Variants in TMEM169 observed in about 807,000 individuals in gnomAD.
TMEM169 encodes the protein transmembrane protein 169.
Under a neutral mutation model 27.3 loss-of-function variants are expected in TMEM169, and 18 were observed. The ratio of observed to expected loss-of-function variants is 0.66; its 90% confidence interval spans 0.46 to 0.98. The LOEUF (loss-of-function observed/expected upper bound fraction) is 0.98. TMEM169 is among the 50% of genes least tolerant of loss of function. The pLI is 0.00. For synonymous variants in TMEM169, 136 were observed against 142.1 expected (o/e 0.96, Z 0.30); for missense variants, 320 against 368.6 (o/e 0.87, Z 1.08).
intron 1 of TMEM169, among the ~76,000 whole-genome samples, chr2:216,086,828 C>A (rs1185916923): frequency 6.6e-6 from 1 of 152,136 alleles, no homozygotes; most frequent in East Asian, 1.9e-4. Context: ...ATAATCTATA[C>A]AATGATATGA....
chr2:216,092,116 G>A (rs1336729222), intron 1 of TMEM169, among the ~76,000 whole-genome samples: 3 of 152,146 alleles, frequency 2.0e-5, no homozygotes, highest in African/African-American at 7.2e-5. Flanking sequence ...GTTTTAATGG[G>A]ATGTTCAAAA....
intron 1 of TMEM169, among the ~76,000 whole-genome samples, chr2:216,087,645 C>T (rs1696037402): frequency 6.6e-6 from 1 of 152,084 alleles, no homozygotes; most frequent in African/African-American, 2.4e-5. Flanking sequence ...CAGTTCCAGT[C>T]CCACCACTAT....
chr2:216,095,211 C>CT (rs1696236778), intron 1 of TMEM169, among the ~76,000 whole-genome samples: 1 of 149,766 alleles, frequency 6.7e-6, no homozygotes, highest in African/African-American at 2.5e-5. Flanking sequence ...CCTCAGCCTC[C>CT]TAAGTAGCTG....
rs372176280 is a variant in TMEM169, at chr2:216,096,129, C to T, written c.166C>T (p.Arg56Cys). The change falls in exon 2 of 3, where the codon CGC (arginine) becomes TGC (cysteine). Residue 56 changes from arginine to cysteine, a missense_variant. Coordinates refer to ENST00000437356, the MANE Select transcript of TMEM169 (RefSeq NM_001142311.2). Reference protein sequence around the residue: ...ESRPESIIIYRSDNEKTDEEP... With the variant: ...ESRPESIIIYCSDNEKTDEEP... ...ACGCCCAGAATCCATCATCATCTACCGCTCAGACAATGAGAAAACAGATGA... is the reference window on the plus strand; with the variant it reads ...ACGCCCAGAATCCATCATCATCTACTGCTCAGACAATGAGAAAACAGATGA... 5.0e-6 allele frequency: 8 copies of T among 1,614,112 alleles called. No homozygotes were observed. Among genetic ancestry groups the T allele is most frequent in the South Asian group, 4.4e-5 (4 of 91,070 alleles).
intron 1 of TMEM169, among the ~76,000 whole-genome samples, chr2:216,091,204 T>TA (rs998716886): frequency 3.3e-5 from 5 of 152,280 alleles, no homozygotes; most frequent in Admixed American, 1.3e-4. Flanking sequence ...GCCCCCAAAG[T>TA]GATGGCATTA....
intron 1 of TMEM169, chr2:216,082,974 CAG>C (rs1695904338): frequency 6.6e-6 from 1 of 152,228 alleles, no homozygotes; most frequent in African/African-American, 2.4e-5. Context: ...GTCTGGTTGA[CAG>C]AGGAATCAGA....
At position 216,100,580 on chromosome 2, in the gene TMEM169, C is replaced by G. The variant is rs1351597240; in HGVS notation, c.*38C>G. On this transcript the variant is annotated 3_prime_UTR_variant, in exon 3 of 3. Transcript: ENST00000437356. Reference sequence around the variant, plus strand: ...TTACTCCCTCCTCTGGCCCCAGTAGCCTATATATCATCTTAAAATTCCAGC... The same window carrying G: ...TTACTCCCTCCTCTGGCCCCAGTAGGCTATATATCATCTTAAAATTCCAGC... The G allele has an allele frequency of 6.2e-7, 1 of 1,611,930 alleles. No homozygotes were observed. Among genetic ancestry groups the G allele is most frequent in the African/African-American group, 1.3e-5 (1 of 74,806 alleles).
intron 1 of TMEM169, among the ~76,000 whole-genome samples, chr2:216,094,538 G>C (rs891576146): frequency 2.0e-5 from 3 of 152,136 alleles, no homozygotes; most frequent in Non-Finnish European, 4.4e-5. Context: ...GAGTCAACCA[G>C]ACATTAGGGG....
chr2:216,088,374 G>A (rs1696055148), intron 1 of TMEM169, among the ~76,000 whole-genome samples: 1 of 152,238 alleles, frequency 6.6e-6, no homozygotes, highest in South Asian at 2.1e-4. Context: ...TGAGGCAGGA[G>A]AATGGCGTGA....
In TMEM169 at chr2:216,100,677, T is replaced by C. The variant is rs554841362; in HGVS notation, c.*135T>C. On this transcript the variant is annotated 3_prime_UTR_variant, in exon 3 of 3. Transcript: ENST00000437356. ...AAATCAGAGTCCATACTGATCAGTT[T>C]TACCATCTTGAGGGTTCCAGGAGGG... 127 of 1,273,728 alleles carry C rather than the reference T, an allele frequency of 1.0e-4. No homozygotes were observed. The highest frequency in any genetic ancestry group is 4.0e-4 in the Admixed American group (18 of 44,928). 78.9% of individuals were successfully genotyped at this position (1,273,728 alleles called of 1,614,324 possible).
chr2:216,085,225 G>A (rs1695969575), intron 1 of TMEM169, among the ~76,000 whole-genome samples: 2 of 152,148 alleles, frequency 1.3e-5, no homozygotes, highest in South Asian at 4.1e-4. Context: ...CCAGCACTTT[G>A]GGAGGTGAAA....
chr2:216,096,059 T>A lies in TMEM169; in HGVS notation c.96T>A (p.Asp32Glu). The change falls in exon 2 of 3, where the codon GAT (aspartate) becomes GAA (glutamate). Residue 32 changes from aspartate to glutamate, a missense_variant. Coordinates refer to ENST00000437356, the MANE Select transcript of TMEM169 (RefSeq NM_001142311.2). ...CTGTGGCTGCTGCCCTGGCGCTGGA[T>A]GGGGAATCCACAATGGGGCACAGGA... ...RKAVAAALAL[D>E]GESTMGHRKK... The A allele has an allele frequency of 6.2e-7, 1 of 1,614,172 alleles. No homozygotes were observed. The highest frequency in any genetic ancestry group is 8.5e-7 in the Non-Finnish European group (1 of 1,180,034).
rs1337232610 is a variant in TMEM169, at chr2:216,099,007, A to C, written c.272-913A>C. Among the ~76,000 whole-genome samples the C allele has an allele frequency of 7.4e-6, 1 of 135,078 alleles. No individual in the cohort carries two copies. Among genetic ancestry groups the C allele is most frequent in the East Asian group, 2.2e-4 (1 of 4,612 alleles). 88.6% of individuals were successfully genotyped at this position (135,078 alleles called of 152,430 possible). The stretch of plus-strand genomic sequence containing the variant: ...GGTATGTGTAGTGTATATATGTGGA[A>C]TGTGTGGGGGGCAGCATTTGTGTGC... On this transcript the variant is annotated intron_variant, in intron 2 of 2. Coordinates refer to ENST00000437356, the MANE Select transcript of TMEM169 (RefSeq NM_001142311.2). This position sits in a 1 kb window ranked among gnomAD's most constrained non-coding sequence, Gnocchi z 5.0.
intron 2 of TMEM169, among the ~76,000 whole-genome samples, chr2:216,097,264 G>A (rs977646570): frequency 1.3e-5 from 2 of 152,116 alleles, no homozygotes; most frequent in African/African-American, 4.8e-5. Flanking sequence ...GGCTGGGCAC[G>A]GTGGCTCACA....
chr2:216,096,784 T>C (rs535904764), intron 2 of TMEM169, among the ~76,000 whole-genome samples: 1 of 152,360 alleles, frequency 6.6e-6, no homozygotes, highest in Admixed American at 6.5e-5. Context: ...AAGAGGCTGA[T>C]TTATACGCAA....
chr2:216,096,316 A>T, intron 2 of TMEM169, 82 bp downstream of exon 2: 3 of 1,443,944 alleles, frequency 2.1e-6, no homozygotes, highest in African/African-American at 1.4e-5. Flanking sequence ...GCATATGCTC[A>T]CTGTCCTATT....
In TMEM169 at chr2:216,100,094, C is replaced by T. The variant is rs1696354826; in HGVS notation, c.446C>T (p.Ala149Val). ...GAAACGACGCCTGAAGGAAGAATGG[C>T]CTGCCAGATGGGAGCTGACCGTGGG... ...SRETTPEGRM[A>V]CQMGADRGPH... The change falls in exon 3 of 3, where the codon GCC becomes GTC. Residue 149 changes from alanine (A) to valine (V), a missense_variant. By Grantham distance (64) the Ala-to-Val change is moderately conservative. Transcript: ENST00000437356. 1 of 1,614,046 alleles carries T rather than the reference C, an allele frequency of 6.2e-7. No homozygotes were observed. The highest frequency in any genetic ancestry group is 8.5e-7 in the Non-Finnish European group (1 of 1,180,042).
At chr2:216,091,065 G>A (rs1696108797) in intron 1 of TMEM169, among the ~76,000 whole-genome samples, 1 of 152,220 alleles carries the variant, frequency 6.6e-6, no homozygotes, top group Non-Finnish European at 1.5e-5. Context: ...GCCAAACAGG[G>A]ACAGAGCCAC....
chr2:216,089,137 CAGAA>C (rs1347183366), intron 1 of TMEM169, among the ~76,000 whole-genome samples: 4 of 151,968 alleles, frequency 2.6e-5, no homozygotes, highest in African/African-American at 9.7e-5. Context: ...GCAAAAGAAA[CAGAA>C]GGAAGGTTTG....
Sources: allele counts gnomAD v4.1 joint callset (sites outside exome capture counted in the v4.1 genomes callset), GRCh38; gene constraint gnomAD v4.1.1; non-coding constraint Gnocchi (gnomAD v3.1); transcripts MANE v1.5; gene names NCBI Gene and HGNC (gene_info 2026-07-23, HGNC 2026-07-21).